Variants in SH3BP4 observed in about 807,000 individuals in gnomAD.
SH3BP4 encodes SH3 domain binding protein 4, also known as SH3 domain-binding protein 4.
In SH3BP4, 33 loss-of-function variants were observed where a neutral mutation model predicts 65.5. The observed-to-expected ratio is 0.50, with a 90% CI of 0.38 to 0.67. SH3BP4 has a LOEUF of 0.67. SH3BP4 is among the 30% of genes least tolerant of loss of function. The probability of loss-of-function intolerance (pLI) is 0.00; values close to 1 mark genes in which losing one functional copy is unlikely to be tolerated. For synonymous variants in SH3BP4, 552 were observed against 545.5 expected (o/e 1.01, Z -0.17); for missense variants, 1,134 against 1,261.4 (o/e 0.90, Z 1.53).
intron 1 of SH3BP4, among the ~76,000 whole-genome samples, chr2:234,988,071 T>C (rs1693624713): frequency 6.6e-6 from 1 of 152,144 alleles, no homozygotes; most frequent in Non-Finnish European, 1.5e-5. Context: ...CACATTTTTT[T>C]TTCTTTGAGT....
At chr2:235,006,379 A>C (rs1694295698) in intron 2 of SH3BP4, among the ~76,000 whole-genome samples, 1 of 152,162 alleles carries the variant, frequency 6.6e-6, no homozygotes, top group South Asian at 2.1e-4. Context: ...TCCATCAAAA[A>C]TCTGTGGGGT....
At chr2:234,957,079 G>T (rs1692605366) in intron 1 of SH3BP4, among the ~76,000 whole-genome samples, 1 of 152,092 alleles carries the variant, frequency 6.6e-6, no homozygotes. Flanking sequence ...GGAGTGCAGT[G>T]GTGCAATCTC....
intron 2 of SH3BP4, among the ~76,000 whole-genome samples, chr2:235,006,955 ATCCAT>A (rs1444848666): frequency 6.6e-6 from 1 of 152,038 alleles, no homozygotes; most frequent in Non-Finnish European, 1.5e-5. Flanking sequence ...CATTCCCCAA[ATCCAT>A]TCCATTTCCT....
intron 3 of SH3BP4, among the ~76,000 whole-genome samples, chr2:235,039,913 T>A (rs531064282): frequency 6.6e-6 from 1 of 152,322 alleles, no homozygotes; most frequent in Non-Finnish European, 1.5e-5. Context: ...GACAGTCTGT[T>A]TTCATGTTGT....
chr2:234,970,081 TCACA>T (rs200388646), intron 1 of SH3BP4, among the ~76,000 whole-genome samples: 1 of 136,808 alleles, frequency 7.3e-6, no homozygotes. Context: ...ACACTGTCAC[TCACA>T]CACACTCACA....
intron 4 of SH3BP4, among the ~76,000 whole-genome samples, chr2:235,043,983 G>T (rs545486292): frequency 1.3e-5 from 2 of 152,350 alleles, no homozygotes; most frequent in African/African-American, 4.8e-5. Flanking sequence ...AGATGCGGGT[G>T]GGGGCAGAAG....
At chr2:234,999,083 C>T (rs1180551033) in intron 2 of SH3BP4, among the ~76,000 whole-genome samples, 1 of 152,192 alleles carries the variant, frequency 6.6e-6, no homozygotes, top group Non-Finnish European at 1.5e-5. Flanking sequence ...TAAACCGCTG[C>T]AAATGCACGT....
chr2:234,962,845 C>T (rs893099805), intron 1 of SH3BP4, among the ~76,000 whole-genome samples: 1 of 152,100 alleles, frequency 6.6e-6, no homozygotes, highest in African/African-American at 2.4e-5. Flanking sequence ...CCCGCCTCAG[C>T]CTCCCTAGTA....
chr2:234,985,862 C>T (rs532694818), intron 1 of SH3BP4, among the ~76,000 whole-genome samples: 3 of 151,940 alleles, frequency 2.0e-5, no homozygotes, highest in African/African-American at 7.2e-5. Context: ...GGATACACGC[C>T]TATGAGCTCA....
intron 2 of SH3BP4, among the ~76,000 whole-genome samples, chr2:235,005,683 T>G (rs1694272051): frequency 6.6e-6 from 1 of 152,222 alleles, no homozygotes; most frequent in African/African-American, 2.4e-5. Context: ...TCTCTTGTGC[T>G]TCTGCCTTTC....
In SH3BP4 at chr2:235,042,510, C is replaced by G; in HGVS notation, c.1741C>G (p.Pro581Ala). 1 of 1,614,178 alleles carries G rather than the reference C, an allele frequency of 6.2e-7. No homozygotes were observed. Among genetic ancestry groups the G allele is most frequent in the Non-Finnish European group, 8.5e-7 (1 of 1,180,038 alleles). The change falls in exon 4 of 6, where the codon CCC (proline) becomes GCC (alanine). Residue 581 changes from proline (P) to alanine (A), a missense_variant. Physicochemically the swap from Pro to Ala is conservative, Grantham distance 27. Transcript: ENST00000392011. This position sits in a 1 kb window ranked among gnomAD's most constrained non-coding sequence, Gnocchi z 7.3. ...GATCTTCCCCATCACCTCCCAGAACCCCAACGAGCTCTCTGACTTCACGCT... is the reference window on the plus strand; with the variant it reads ...GATCTTCCCCATCACCTCCCAGAACGCCAACGAGCTCTCTGACTTCACGCT... ...RLIFPITSQN[P>A]NELSDFTLRV...
rs1230548877 is a variant in SH3BP4 at position 235,033,302 on chromosome 2, G to A, written c.-132-1569G>A. On this transcript the variant is annotated intron_variant, in intron 2 of 5. Transcript: ENST00000392011. The surrounding 1 kb of genome is among the most constrained non-coding windows in gnomAD (Gnocchi z 5.7). ...TGGCTTCATGTGTCCTCACGTGGTA[G>A]AGGGAGAGAGAACGGAAGCTCTCTG... Among the ~76,000 whole-genome samples the A allele has an allele frequency of 6.6e-6, 1 of 152,218 alleles. No individual in the cohort carries two copies. The highest frequency in any genetic ancestry group is 1.5e-5 in the Non-Finnish European group (1 of 68,040).
chr2:234,986,641 TC>T (rs1693568557), intron 1 of SH3BP4, among the ~76,000 whole-genome samples: 1 of 152,074 alleles, frequency 6.6e-6, no homozygotes, highest in Non-Finnish European at 1.5e-5. Flanking sequence ...GCTTTTCACT[TC>T]CTGATCTCGG....
Position 235,053,587 on chromosome 2 carries a change from C to T in SH3BP4, c.2668-5C>T. The T allele has an allele frequency of 1.2e-6, 2 of 1,612,562 alleles. No homozygotes were observed. The highest frequency in any genetic ancestry group is 8.5e-7 in the Non-Finnish European group (1 of 1,178,638). On this transcript the variant is annotated splice_region_variant and splice_polypyrimidine_tract_variant and intron_variant, in intron 5 of 5. Coordinates refer to ENST00000392011, the MANE Select transcript of SH3BP4 (RefSeq NM_014521.3). ...CCTTTTGTTTTTTACAACTCCACCT[C>T]CCAGGCCATGTGGAAGCCTGCGTAT...
rs2106340059 is a variant in SH3BP4, at chr2:235,046,848, T to C, written c.2478+3601T>C. Among the ~76,000 whole-genome samples the C allele has an allele frequency of 6.6e-6, 1 of 152,310 alleles. No homozygotes were observed. Among genetic ancestry groups the C allele is most frequent in the East Asian group, 1.9e-4 (1 of 5,184 alleles). The stretch of plus-strand genomic sequence containing the variant: ...CCATACCATGCTTCTGTTCTGTGGT[T>C]CCATTTCCTCTTTCCATTCTTTTTG... On this transcript the variant is annotated intron_variant, in intron 4 of 5. Transcript: ENST00000392011. This position sits in a 1 kb window ranked among gnomAD's most constrained non-coding sequence, Gnocchi z 4.2.
rs535834564 is a variant in SH3BP4, at chr2:235,046,304, C to T, written c.2478+3057C>T. ...TTTGTTTTGGCCAGGCATGGAGGTTCACACCTGTAATACCAGCACTTTGGG... is the reference window on the plus strand; with the variant it reads ...TTTGTTTTGGCCAGGCATGGAGGTTTACACCTGTAATACCAGCACTTTGGG... On this transcript the variant is annotated intron_variant, in intron 4 of 5. Coordinates refer to ENST00000392011, the MANE Select transcript of SH3BP4 (RefSeq NM_014521.3). This position sits in a 1 kb window ranked among gnomAD's most constrained non-coding sequence, Gnocchi z 4.2. 1.3e-4 allele frequency among the ~76,000 whole-genome samples: 20 copies of T among 152,318 alleles called. No individual in the cohort carries two copies. In the South Asian group the frequency reaches 3.3e-3, roughly 25 times the overall value.
Position 234,983,513 on chromosome 2 carries a change from C to T in SH3BP4, c.-206-11790C>T, listed in dbSNP as rs533550764. Among the ~76,000 whole-genome samples, 61 of 152,234 alleles carry T rather than the reference C, an allele frequency of 4.0e-4. 1 individual carries two copies. In the South Asian group the frequency reaches 0.011, roughly 29 times the overall value. ...CAATGGTGTGCTTGTGTTTTTGATA[C>T]GGTGTGGTCGGCTGAGTAATCCCTT... On this transcript the variant is annotated intron_variant, in intron 1 of 5. Coordinates refer to ENST00000392011, the MANE Select transcript of SH3BP4 (RefSeq NM_014521.3).
chr2:235,038,338 AGTATATATATTT>A (rs1559254397), intron 3 of SH3BP4, among the ~76,000 whole-genome samples: 3 of 6,848 alleles, frequency 4.4e-4, no homozygotes, highest in African/African-American at 1.3e-3. Flanking sequence ...TATTATATAT[AGTATATATATTT>A]TATATATATA....
At position 234,997,755 on chromosome 2, in the gene SH3BP4, AG is replaced by A. The variant is rs1365017109; in HGVS notation, c.-133+2380del. ...CCTGGGAACACCCTGCCTGTTTCAC[AG>A]ATGAGAAACTCATCTCAGAGTACTC... On this transcript the variant is annotated intron_variant, in intron 2 of 5. Transcript: ENST00000392011. This position sits in a 1 kb window ranked among gnomAD's most constrained non-coding sequence, Gnocchi z 4.2. Among the ~76,000 whole-genome samples the A allele has an allele frequency of 6.6e-6, 1 of 152,212 alleles. No individual in the cohort carries two copies. The highest frequency in any genetic ancestry group is 1.9e-4 in the East Asian group (1 of 5,194).
Sources: allele counts gnomAD v4.1 joint callset (sites outside exome capture counted in the v4.1 genomes callset), GRCh38; gene constraint gnomAD v4.1.1; non-coding constraint Gnocchi (gnomAD v3.1); transcripts MANE v1.5; gene names NCBI Gene and HGNC (gene_info 2026-07-23, HGNC 2026-07-21).